Variants in PDE4D observed in about 807,000 individuals in gnomAD.
PDE4D encodes the protein 3',5'-cyclic-AMP phosphodiesterase 4D.
PDE4D carries 24 observed loss-of-function variants against 87.4 expected under a neutral mutation model. The ratio of observed to expected loss-of-function variants is 0.27; its 90% CI spans 0.20 to 0.39. The LOEUF (loss-of-function observed/expected upper bound fraction) is 0.39, where lower values mean the gene tolerates loss of function less well. Ranked by LOEUF, PDE4D falls within the 10% of genes least tolerant of loss-of-function variation. The pLI is 1.00. For synonymous variants in PDE4D, 384 were observed against 383.2 expected, an observed-to-expected ratio of 1.00 and a Z score of -0.02; for missense variants, 714 against 1,041.0, an observed-to-expected ratio of 0.69 and a Z score of 4.32.
chr5:58,979,845 G>A (rs572275438), intron 11 of PDE4D, among the ~76,000 whole-genome samples: 83 of 151,784 alleles, frequency 5.5e-4, no homozygotes, highest in Admixed American at 1.4e-3. Context: ...TCTTTTAATC[G>A]TTCCTCCCCA....
At chr5:59,787,009 T>C (rs921442208) in intron 1 of PDE4D, among the ~76,000 whole-genome samples, 5 of 152,228 alleles carry the variant, frequency 3.3e-5, no homozygotes, top group African/African-American at 1.2e-4. Context: ...TGGTCTCATC[T>C]CACATAGATC....
chr5:59,572,966 C>T (rs1480384310), intron 1 of PDE4D, among the ~76,000 whole-genome samples: 2 of 152,142 alleles, frequency 1.3e-5, no homozygotes, highest in African/African-American at 4.8e-5. Flanking sequence ...TTATGCACAA[C>T]TTAGGACAAA....
At chr5:60,439,178 C>T (rs909189283) in intron 1 of PDE4D, among the ~76,000 whole-genome samples, 1 of 152,070 alleles carries the variant, frequency 6.6e-6, no homozygotes. Context: ...CCCAAAATAC[C>T]TTATGGCTTA....
At chr5:59,918,155 T>G (rs1754279143) in intron 3 of PDE4D, among the ~76,000 whole-genome samples, 1 of 152,070 alleles carries the variant, frequency 6.6e-6, no homozygotes, top group Non-Finnish European at 1.5e-5. Flanking sequence ...TCTGTTATGG[T>G]TTGAAAGATA....
At chr5:60,122,524 T>C (rs571057197) in intron 2 of PDE4D, among the ~76,000 whole-genome samples, 9 of 152,346 alleles carry the variant, frequency 5.9e-5, no homozygotes, top group Non-Finnish European at 1.3e-4. Context: ...TCTGAAGCCA[T>C]AGCACGAGCT....
chr5:59,157,374 G>A, intron 5 of PDE4D: 1 of 702,454 alleles, frequency 1.4e-6, no homozygotes, highest in South Asian at 1.5e-5. Context: ...TAAGGAAAAA[G>A]ACATTTGCAA....
chr5:60,043,233 G>A (rs1161723168), intron 2 of PDE4D, among the ~76,000 whole-genome samples: 1 of 151,602 alleles, frequency 6.6e-6, no homozygotes, highest in African/African-American at 2.4e-5. Flanking sequence ...AAAGGGTGAA[G>A]ACAAGATTAG....
intron 1 of PDE4D, among the ~76,000 whole-genome samples, chr5:59,862,646 T>C (rs907348160): frequency 8.5e-5 from 13 of 152,222 alleles, no homozygotes; most frequent in Non-Finnish European, 2.9e-5. Flanking sequence ...AGTGTAGGCA[T>C]GGTTAGCCAC....
intron 6 of PDE4D, among the ~76,000 whole-genome samples, chr5:58,995,589 A>T (rs1346219729): frequency 1.3e-5 from 2 of 152,190 alleles, no homozygotes; most frequent in African/African-American, 4.8e-5. Context: ...CACATAGTAG[A>T]TGCTCAATAT....
At chr5:60,110,695 T>C (rs1345111971) in intron 2 of PDE4D, among the ~76,000 whole-genome samples, 1 of 152,144 alleles carries the variant, frequency 6.6e-6, no homozygotes, top group Non-Finnish European at 1.5e-5. Flanking sequence ...GAGGGATACC[T>C]CTACCATCAT....
intron 1 of PDE4D, among the ~76,000 whole-genome samples, chr5:59,746,730 C>T (rs1391281622): frequency 6.6e-6 from 1 of 152,100 alleles, no homozygotes; most frequent in African/African-American, 2.4e-5. Context: ...GACTTTCCTG[C>T]ACCATCTTGC....
intron 1 of PDE4D, among the ~76,000 whole-genome samples, chr5:59,858,492 G>C (rs1439574323): frequency 2.0e-5 from 3 of 152,048 alleles, no homozygotes; most frequent in Non-Finnish European, 4.4e-5. Context: ...ACTTGAAAAT[G>C]TGCTTTTGTG....
intron 1 of PDE4D, among the ~76,000 whole-genome samples, chr5:59,271,417 G>A (rs1228067555): frequency 6.6e-6 from 1 of 152,144 alleles, no homozygotes; most frequent in Non-Finnish European, 1.5e-5. Flanking sequence ...AGATATGTAA[G>A]GTAAGTTGAA....
intron 1 of PDE4D, among the ~76,000 whole-genome samples, chr5:60,441,460 G>A (rs141964910): frequency 7.2e-4 from 109 of 152,176 alleles, no homozygotes; most frequent in Non-Finnish European, 1.3e-3. Context: ...AGACCTACAC[G>A]TAAGACCTAA....
At chr5:60,470,295 T>C (rs1376043247) in intron 1 of PDE4D, among the ~76,000 whole-genome samples, 2 of 152,164 alleles carry the variant, frequency 1.3e-5, no homozygotes, top group Admixed American at 6.6e-5. Flanking sequence ...CAGAGATTGA[T>C]TCATGAAGTT....
At chr5:59,484,171 G>A (rs938219547) in intron 1 of PDE4D, among the ~76,000 whole-genome samples, 2 of 152,182 alleles carry the variant, frequency 1.3e-5, no homozygotes, top group Non-Finnish European at 2.9e-5. Flanking sequence ...AATTCCACTA[G>A]GGTCTAGGCT....
chr5:60,091,352 A>T (rs1056786327), intron 2 of PDE4D, among the ~76,000 whole-genome samples: 1 of 152,236 alleles, frequency 6.6e-6, no homozygotes, highest in Non-Finnish European at 1.5e-5. Flanking sequence ...AAAGGAAAGC[A>T]TACAAATGGC....
intron 1 of PDE4D, among the ~76,000 whole-genome samples, chr5:60,451,217 T>C (rs1746072019): frequency 1.3e-5 from 2 of 152,144 alleles, no homozygotes; most frequent in Non-Finnish European, 2.9e-5. Flanking sequence ...ATATTTCTGC[T>C]ACTGTTTTTG....
chr5:59,040,066 A>G (rs1759424357), intron 5 of PDE4D: 2 of 152,290 alleles, frequency 1.3e-5, no homozygotes, highest in Admixed American at 1.3e-4. Context: ...AGTTTCACAA[A>G]CAAGGTTATT....
Sources: allele counts gnomAD v4.1 joint callset (sites outside exome capture counted in the v4.1 genomes callset), GRCh38; gene constraint gnomAD v4.1.1; transcripts MANE v1.5; gene names NCBI Gene and HGNC (gene_info 2026-07-23, HGNC 2026-07-21).